Variants in PDGFD observed in about 807,000 individuals in gnomAD.
PDGFD encodes the protein platelet-derived growth factor D.
A neutral mutation model predicts 44.7 loss-of-function variants in PDGFD; 30 were observed. That is an observed-to-expected ratio of 0.67 (90% CI 0.50 to 0.91). PDGFD has a LOEUF of 0.91. PDGFD is among the 40% of genes least tolerant of loss of function. The pLI, the probability that PDGFD is intolerant of heterozygous loss-of-function variation, is 0.00. For missense variants in PDGFD, 445 were observed against 457.8 expected (o/e 0.97, Z 0.25); for synonymous variants, 173 against 168.4 (o/e 1.03, Z -0.21).
intron 1 of PDGFD, among the ~76,000 whole-genome samples, chr11:104,063,603 A>G (rs1372172590): frequency 6.6e-6 from 1 of 152,160 alleles, no homozygotes; most frequent in African/African-American, 2.4e-5. Context: ...TAAAGAAAAG[A>G]GGTTTAGTTG....
At position 104,129,924 on chromosome 11, in the gene PDGFD, G is replaced by A. The variant is rs1293984399; in HGVS notation, c.124+33880C>T. Reference sequence around the variant, plus strand: ...CTTGGAAGGCTGAGGCAGGAGAATCGGTTGAACCAAGGAGGCAGAGGGTGC... The same window carrying A: ...CTTGGAAGGCTGAGGCAGGAGAATCAGTTGAACCAAGGAGGCAGAGGGTGC... On this transcript the variant is annotated intron_variant, in intron 1 of 6. Coordinates refer to ENST00000393158, the MANE Select transcript of PDGFD (RefSeq NM_025208.5). 2.7e-5 allele frequency among the ~76,000 whole-genome samples: 4 copies of A among 150,596 alleles called. No individual in the cohort carries two copies. The South Asian group carries it at 6.3e-4, about 24-fold the overall frequency.
chr11:104,035,268 C>T (rs1860207456), intron 1 of PDGFD, among the ~76,000 whole-genome samples: 1 of 152,148 alleles, frequency 6.6e-6, no homozygotes, highest in African/African-American at 2.4e-5. Flanking sequence ...TCTGTGTTAT[C>T]CACACATTCC....
intron 1 of PDGFD, among the ~76,000 whole-genome samples, chr11:104,056,123 T>C (rs1860613730): frequency 6.6e-6 from 1 of 152,126 alleles, no homozygotes; most frequent in Non-Finnish European, 1.5e-5. Flanking sequence ...TTTCTAAAAA[T>C]GTAGAAACGG....
intron 1 of PDGFD, chr11:104,037,296 C>T (rs557255876): frequency 1.4e-4 from 230 of 1,613,292 alleles, no homozygotes; most frequent in Non-Finnish European, 1.9e-4. Context: ...ACGATCTGTC[C>T]CTGCTCAAGG....
chr11:103,935,658 G>A (rs1402490700), intron 5 of PDGFD, among the ~76,000 whole-genome samples: 1 of 152,146 alleles, frequency 6.6e-6, no homozygotes, highest in Non-Finnish European at 1.5e-5. Context: ...GATTACTGAT[G>A]GTTATCTTAG....
chr11:103,919,779 G>A (rs1034903650), intron 6 of PDGFD, among the ~76,000 whole-genome samples: 3 of 151,692 alleles, frequency 2.0e-5, no homozygotes, highest in Admixed American at 6.6e-5. Context: ...AAAATGCTGG[G>A]ATTACAGGCA....
intron 3 of PDGFD, among the ~76,000 whole-genome samples, chr11:103,986,300 A>AG (rs1274242490): frequency 6.6e-6 from 1 of 152,210 alleles, no homozygotes; most frequent in Non-Finnish European, 1.5e-5. Flanking sequence ...AGAGCAGGTC[A>AG]GCTAGGTCTC....
intron 1 of PDGFD, among the ~76,000 whole-genome samples, chr11:104,130,935 C>T (rs1267658060): frequency 6.6e-6 from 1 of 152,124 alleles, no homozygotes; most frequent in Non-Finnish European, 1.5e-5. Context: ...AAGCTAAATG[C>T]TGCCAATTAA....
chr11:104,033,242 C>G (rs897050589), intron 1 of PDGFD, among the ~76,000 whole-genome samples: 5 of 152,030 alleles, frequency 3.3e-5, no homozygotes, highest in African/African-American at 1.2e-4. Context: ...CACAGAAGTA[C>G]TAAACACAGG....
At chr11:104,018,737 C>A (rs752395313) in intron 1 of PDGFD, among the ~76,000 whole-genome samples, 50 of 152,216 alleles carry the variant, frequency 3.3e-4, no homozygotes, top group African/African-American at 4.8e-5. Flanking sequence ...CTCTCATGCC[C>A]CAAGTGTGGT....
At chr11:103,972,008 T>G (rs1859110942) in intron 3 of PDGFD, among the ~76,000 whole-genome samples, 1 of 152,238 alleles carries the variant, frequency 6.6e-6, no homozygotes, top group Non-Finnish European at 1.5e-5. Flanking sequence ...TACATAATCC[T>G]GACCCTTCCC....
intron 1 of PDGFD, among the ~76,000 whole-genome samples, chr11:104,137,725 C>A (rs1862029738): frequency 1.4e-5 from 2 of 138,880 alleles, no homozygotes; most frequent in South Asian, 4.7e-4. Context: ...ATATAGATCA[C>A]CACTTTTTTT....
At chr11:103,992,736 C>T (rs1365045581) in intron 3 of PDGFD, among the ~76,000 whole-genome samples, 1 of 152,198 alleles carries the variant, frequency 6.6e-6, no homozygotes, top group Middle Eastern at 3.2e-3. Flanking sequence ...TTGATGTTAT[C>T]CATTAGTCTC....
At chr11:103,958,239 A>G (rs577699465) in intron 3 of PDGFD, among the ~76,000 whole-genome samples, 15 of 152,298 alleles carry the variant, frequency 9.8e-5, no homozygotes, top group African/African-American at 3.1e-4. Context: ...AGTGCCACAG[A>G]TACCTGAAAC....
intron 6 of PDGFD, among the ~76,000 whole-genome samples, chr11:103,920,906 T>G (rs477831): frequency 6.6e-6 from 1 of 151,980 alleles, no homozygotes; most frequent in Non-Finnish European, 1.5e-5. Context: ...CACAATTTCA[T>G]TAAGATTTTG....
At chr11:104,071,128 T>TA (rs771203344) in intron 1 of PDGFD, among the ~76,000 whole-genome samples, 5 of 151,974 alleles carry the variant, frequency 3.3e-5, no homozygotes, top group Non-Finnish European at 7.4e-5. Flanking sequence ...TCTACCCACT[T>TA]ACATAAATTT....
chr11:103,980,401 T>A (rs1859250923), intron 3 of PDGFD, among the ~76,000 whole-genome samples: 1 of 152,116 alleles, frequency 6.6e-6, no homozygotes, highest in Admixed American at 6.6e-5. Context: ...AATTTTAATG[T>A]CAAAGGTATA....
chr11:104,142,810 T>C (rs1862104381), intron 1 of PDGFD, among the ~76,000 whole-genome samples: 1 of 152,206 alleles, frequency 6.6e-6, no homozygotes, highest in African/African-American at 2.4e-5. Flanking sequence ...CTCTGTGGGA[T>C]TAAATGTTAC....
intron 1 of PDGFD, among the ~76,000 whole-genome samples, chr11:104,122,629 A>T (rs1434192056): frequency 1.3e-5 from 2 of 152,008 alleles, no homozygotes; most frequent in African/African-American, 4.8e-5. Context: ...TTAACTTCCT[A>T]GACCATGAGA....
Sources: allele counts gnomAD v4.1 joint callset (sites outside exome capture counted in the v4.1 genomes callset), GRCh38; gene constraint gnomAD v4.1.1; transcripts MANE v1.5; gene names NCBI Gene and HGNC (gene_info 2026-07-23, HGNC 2026-07-21).